Variants in RALGPS1 observed in about 807,000 individuals in gnomAD.
RALGPS1 encodes Ral GEF with PH domain and SH3 binding motif 1, also known as ras-specific guanine nucleotide-releasing factor RalGPS1.
Under a neutral mutation model 78.8 loss-of-function variants are expected in RALGPS1, and 19 were observed. That is an observed-to-expected ratio of 0.24 (90% CI 0.17 to 0.35). The LOEUF is 0.35. Among genes scored for constraint, RALGPS1 ranks in the 10% least tolerant of loss-of-function variants. RALGPS1 has a pLI of 1.00. For synonymous variants in RALGPS1, 228 were observed against 256.3 expected, an observed-to-expected ratio of 0.89 and a Z score of 1.06; for missense variants, 454 against 688.3, an observed-to-expected ratio of 0.66 and a Z score of 3.81.
At chr9:126,935,731 A>G (rs1461984403) in intron 1 of RALGPS1, among the ~76,000 whole-genome samples, 4 of 152,230 alleles carry the variant, frequency 2.6e-5, no homozygotes, top group African/African-American at 4.8e-5. Flanking sequence ...GTTTTCTCAC[A>G]TGCTCTCTGC....
chr9:127,001,597 A>G (rs927427935), intron 4 of RALGPS1, among the ~76,000 whole-genome samples: 1 of 152,070 alleles, frequency 6.6e-6, no homozygotes, highest in Non-Finnish European at 1.5e-5. Flanking sequence ...TAAATATGCA[A>G]TAATCGGGCT....
intron 13 of RALGPS1, among the ~76,000 whole-genome samples, chr9:127,197,826 G>A (rs1254042488): frequency 6.6e-6 from 1 of 152,198 alleles, no homozygotes; most frequent in Non-Finnish European, 1.5e-5. Flanking sequence ...ACGCAGCTGT[G>A]CTGGTGGGTG....
chr9:127,184,170 T>G (rs1356066011), intron 11 of RALGPS1: 2 of 955,282 alleles, frequency 2.1e-6, no homozygotes, highest in African/African-American at 3.2e-5. Context: ...TACAAAAGTA[T>G]ATAAATGATC....
At chr9:127,129,914 A>G (rs1218978318) in intron 8 of RALGPS1, among the ~76,000 whole-genome samples, 2 of 152,180 alleles carry the variant, frequency 1.3e-5, no homozygotes, top group Non-Finnish European at 2.9e-5. Context: ...TGCTCCCAGG[A>G]TCTGCTCTTT....
At chr9:127,088,796 A>G in intron 8 of RALGPS1, 1 of 910,740 alleles carries the variant, frequency 1.1e-6, no homozygotes, top group South Asian at 1.6e-5. Flanking sequence ...CATCCGCTGC[A>G]GTGACTTCGG....
intron 1 of RALGPS1, among the ~76,000 whole-genome samples, chr9:126,945,279 A>T (rs1588566824): frequency 6.6e-6 from 1 of 151,640 alleles, no homozygotes; most frequent in African/African-American, 2.4e-5. Context: ...GCTCACTGCA[A>T]CCTCCGCCTC....
At chr9:127,010,354 C>G (rs1308177645) in intron 4 of RALGPS1, among the ~76,000 whole-genome samples, 3 of 152,168 alleles carry the variant, frequency 2.0e-5, no homozygotes, top group African/African-American at 7.2e-5. Flanking sequence ...CACTTTTTCT[C>G]CCTCCATCTA....
intron 8 of RALGPS1, among the ~76,000 whole-genome samples, chr9:127,156,749 A>G (rs956631702): frequency 4.6e-5 from 7 of 151,988 alleles, no homozygotes; most frequent in South Asian, 2.1e-4. Context: ...ATGGACCCCA[A>G]TATGTCAGTC....
intron 8 of RALGPS1, among the ~76,000 whole-genome samples, chr9:127,162,663 G>A (rs1210340940): frequency 6.6e-6 from 1 of 152,152 alleles, no homozygotes; most frequent in African/African-American, 2.4e-5. Context: ...GAGTAGGCAG[G>A]TGTGGGCATC....
At chr9:126,995,549 C>T (rs2042665329) in intron 4 of RALGPS1, among the ~76,000 whole-genome samples, 1 of 152,118 alleles carries the variant, frequency 6.6e-6, no homozygotes, top group African/African-American at 2.4e-5. Flanking sequence ...TAGTGACCTA[C>T]AAAGAGACTT....
intron 8 of RALGPS1, among the ~76,000 whole-genome samples, chr9:127,097,150 C>T (rs1589449609): frequency 6.6e-6 from 1 of 152,184 alleles, no homozygotes; most frequent in African/African-American, 2.4e-5. Context: ...AGTTCTTTGT[C>T]GAGGTGTAAA....
intron 14 of RALGPS1, among the ~76,000 whole-genome samples, chr9:127,202,689 C>T (rs1351327037): frequency 1.3e-5 from 2 of 152,132 alleles, no homozygotes; most frequent in Non-Finnish European, 1.5e-5. Context: ...CCTCCCCTAC[C>T]CTTGGGGCCC....
chr9:127,189,623 A>G (rs954114602), intron 11 of RALGPS1, among the ~76,000 whole-genome samples: 5 of 152,216 alleles, frequency 3.3e-5, no homozygotes, highest in African/African-American at 7.2e-5. Flanking sequence ...CACAAATGAT[A>G]CAAGTTGGGT....
intron 10 of RALGPS1, among the ~76,000 whole-genome samples, chr9:127,171,908 C>T (rs1158695453): frequency 6.6e-6 from 1 of 152,208 alleles, no homozygotes; most frequent in African/African-American, 2.4e-5. Context: ...TCCTTAACCT[C>T]CACTTCACCA....
intron 10 of RALGPS1, among the ~76,000 whole-genome samples, chr9:127,171,683 T>TC (rs1267518327): frequency 6.6e-6 from 1 of 152,152 alleles, no homozygotes; most frequent in Non-Finnish European, 1.5e-5. Context: ...CACTTGAACC[T>TC]GGGAGGCAGA....
intron 4 of RALGPS1, among the ~76,000 whole-genome samples, chr9:127,028,131 C>T (rs973789593): frequency 3.9e-5 from 6 of 152,268 alleles, no homozygotes; most frequent in African/African-American, 1.4e-4. Context: ...CACTGTGCCC[C>T]ATTCTGGCTA....
chr9:127,175,161 G>A (rs968060723), intron 11 of RALGPS1, among the ~76,000 whole-genome samples: 1 of 152,266 alleles, frequency 6.6e-6, no homozygotes, highest in African/African-American at 2.4e-5. Flanking sequence ...CTGGAGGGGT[G>A]CGGAGGATGC....
chr9:127,134,688 T>G (rs1564642351), intron 8 of RALGPS1, among the ~76,000 whole-genome samples: 1 of 152,168 alleles, frequency 6.6e-6, no homozygotes, highest in African/African-American at 2.4e-5. Context: ...TCATTTTGTT[T>G]TTGTTGTTGT....
chr9:127,002,954 A>G (rs28856722), intron 4 of RALGPS1, among the ~76,000 whole-genome samples: 57,126 of 151,798 alleles, frequency 0.38, 12,568 homozygotes, highest in Non-Finnish European at 0.48. Flanking sequence ...TCATTTGGGT[A>G]TATACCCAGT....
Sources: gnomAD v4.1 joint callset for allele counts (sites outside exome capture counted in the v4.1 genomes callset) on GRCh38, gnomAD v4.1.1 for gene constraint, MANE v1.5 for transcripts, NCBI Gene and HGNC (gene_info 2026-07-23, HGNC 2026-07-21) for gene names.